ZNF540: variants seen among roughly 807,000 people sequenced by gnomAD.
ZNF540 encodes the protein zinc finger protein 540, also known as CTD-3064H18.6.
In ZNF540, 3 loss-of-function variants were observed where a neutral mutation model predicts 11.8. The observed-to-expected ratio is 0.25, with a 90% CI of 0.12 to 0.65. ZNF540 has a LOEUF of 0.65. Ranked by LOEUF, ZNF540 falls within the 30% of genes least tolerant of loss-of-function variation. The probability of loss-of-function intolerance (pLI) is 0.83; values close to 1 mark genes in which losing one functional copy is unlikely to be tolerated. For missense variants in ZNF540, 709 were observed against 793.1 expected, an observed-to-expected ratio of 0.89 and a Z score of 1.27; for synonymous variants, 247 against 259.0, an observed-to-expected ratio of 0.95 and a Z score of 0.45.
chr19:37,599,403 A>G (rs2044021878), intron 2 of ZNF540, among the ~76,000 whole-genome samples: 1 of 152,168 alleles, frequency 6.6e-6, no homozygotes, highest in African/African-American at 2.4e-5. Context: ...ACCCCATAAT[A>G]TACAGGAAAT....
chr19:37,558,905 C>T (rs2042689403), intron 1 of ZNF540, among the ~76,000 whole-genome samples: 1 of 152,108 alleles, frequency 6.6e-6, no homozygotes, highest in Admixed American at 6.5e-5. Flanking sequence ...AATGCAGTGG[C>T]ATGATCACAG....
intron 1 of ZNF540, chr19:37,565,253 T>A: frequency 6.2e-7 from 1 of 1,612,034 alleles, no homozygotes; most frequent in African/African-American, 1.3e-5. Context: ...TTCTTTGCAT[T>A]TATAAGGTCT....
intron 1 of ZNF540, chr19:37,586,199 T>C (rs3829688): frequency 0.25 from 38,948 of 153,614 alleles, 5,635 homozygotes; most frequent in East Asian, 0.64. Flanking sequence ...TAGAACCCAA[T>C]TCCCAACCAA....
chr19:37,599,892 T>C, intron 3 of ZNF540, 140 bp downstream of exon 3: 1 of 906,240 alleles, frequency 1.1e-6, no homozygotes, highest in South Asian at 2.1e-5. Context: ...CTTTGATGGT[T>C]TGTGAATGGC....
Position 37,613,589 on chromosome 19 carries a change from T to C in ZNF540, c.*326T>C, listed in dbSNP as rs1397160262. On this transcript the variant is annotated 3_prime_UTR_variant, in exon 5 of 5. Coordinates refer to ENST00000316433, the MANE Select transcript of ZNF540 (RefSeq NM_001172225.3). The stretch of plus-strand genomic sequence containing the variant: ...AAATGAAACACACCTAAAAGTGTGG[T>C]TGTTTCCAACATGTATAATACAGCA... The C allele has an allele frequency of 5.0e-6, 2 of 398,214 alleles. No individual in the cohort carries two copies. The highest frequency in any genetic ancestry group is 8.9e-6 in the Non-Finnish European group (2 of 225,656). 24.7% of individuals were successfully genotyped at this position (398,214 alleles called of 1,614,324 possible).
chr19:37,564,560 T>A (rs1568338189), intron 1 of ZNF540: 2 of 1,453,142 alleles, frequency 1.4e-6, no homozygotes, highest in Non-Finnish European at 9.1e-7. Flanking sequence ...ATGAAATAGA[T>A]GAAGATTTTC....
At chr19:37,570,796 A>G (rs2043022511) in intron 1 of ZNF540, among the ~76,000 whole-genome samples, 1 of 152,208 alleles carries the variant, frequency 6.6e-6, no homozygotes, top group African/African-American at 2.4e-5. Context: ...TATAAATAGA[A>G]GGCATTATAG....
chr19:37,588,380 A>G (rs2043755278), intron 1 of ZNF540, among the ~76,000 whole-genome samples: 1 of 152,224 alleles, frequency 6.6e-6, no homozygotes, highest in Non-Finnish European at 1.5e-5. Flanking sequence ...GGATACTGTA[A>G]AAAGGAACAA....
rs202194974 is a variant in ZNF540 at position 37,565,507 on chromosome 19, A to G, written c.-73+13842A>G. On this transcript the variant is annotated intron_variant, in intron 1 of 4. Transcript: ENST00000592533. ...AGGCCTTTCCACATTCCTTACACTC[A>G]TAAGGTTTCTCACCACTATGAATTC... The G allele has an allele frequency of 1.1e-5, 18 of 1,613,710 alleles. No homozygotes were observed. The East Asian group carries it at 2.0e-4, about 18-fold the overall frequency.
upstream of ZNF540, among the ~76,000 whole-genome samples, chr19:37,591,643 C>G (rs984121579): frequency 1.3e-5 from 2 of 152,134 alleles, no homozygotes; most frequent in East Asian, 1.9e-4. Context: ...CTCCCGGGTT[C>G]AAATGATTCT....
intron 1 of ZNF540, chr19:37,554,637 T>A (rs542985043): frequency 6.6e-6 from 1 of 152,348 alleles, no homozygotes; most frequent in East Asian, 1.9e-4. Context: ...TTTTCAACCA[T>A]TATTTTTAAA....
intron 1 of ZNF540, among the ~76,000 whole-genome samples, chr19:37,575,251 G>A (rs571567923): frequency 6.6e-6 from 1 of 152,040 alleles, no homozygotes; most frequent in Non-Finnish European, 1.5e-5. Context: ...TAATGTACTA[G>A]TACTATTATG....
chr19:37,553,764 C>T (rs947176169), intron 1 of ZNF540, among the ~76,000 whole-genome samples: 1 of 208 alleles, frequency 4.8e-3, no homozygotes, highest in Non-Finnish European at 8.3e-3. Context: ...ACTTCCATTC[C>T]ACCTTCTCAC....
intron 1 of ZNF540, among the ~76,000 whole-genome samples, chr19:37,584,401 C>T (rs952056662): frequency 6.6e-6 from 1 of 152,178 alleles, no homozygotes; most frequent in Non-Finnish European, 1.5e-5. Flanking sequence ...AATTGCACAG[C>T]AGATAAGGCT....
chr19:37,571,724 A>T (rs879867570), intron 1 of ZNF540, among the ~76,000 whole-genome samples: 44 of 152,186 alleles, frequency 2.9e-4, no homozygotes, highest in Non-Finnish European at 4.8e-4. Context: ...TATGTTGAGG[A>T]GCATCTGTAC....
At chr19:37,598,546 A>C in intron 2 of ZNF540, 90 bp downstream of exon 2, 1 of 1,476,806 alleles carries the variant, frequency 6.8e-7, no homozygotes, top group Non-Finnish European at 9.4e-7. Flanking sequence ...ACTTCCTAAG[A>C]ATTTTTTCTT....
At chr19:37,598,256 A>T in intron 1 of ZNF540, 120 bp from the exon 2 acceptor site, 1 of 592,534 alleles carries the variant, frequency 1.7e-6, no homozygotes. Flanking sequence ...GAGGTGAGGG[A>T]AGTGTAGGGG....
intron 4 of ZNF540, among the ~76,000 whole-genome samples, chr19:37,604,002 CTTAG>C (rs2044061108): frequency 1.3e-5 from 2 of 151,616 alleles, no homozygotes; most frequent in Non-Finnish European, 2.9e-5. Flanking sequence ...CTTAATTCTG[CTTAG>C]TTGTTTTGCT....
chr19:37,565,501 A>C, intron 1 of ZNF540: 2 of 1,613,784 alleles, frequency 1.2e-6, no homozygotes, highest in Non-Finnish European at 1.7e-6. Context: ...CACATTCCTT[A>C]CACTCATAAG....
Sources: gnomAD v4.1 joint callset for allele counts (sites outside exome capture counted in the v4.1 genomes callset) on GRCh38, gnomAD v4.1.1 for gene constraint, MANE v1.5 for transcripts, NCBI Gene and HGNC (gene_info 2026-07-23, HGNC 2026-07-21) for gene names.